SLC6A15: variants seen among roughly 807,000 people sequenced by gnomAD.
The protein encoded by SLC6A15 is solute carrier family 6 member 15, also known as sodium-dependent neutral amino acid transporter B(0)AT2.
A neutral mutation model predicts 68.5 loss-of-function variants in SLC6A15; 33 were observed. The ratio of observed to expected loss-of-function variants is 0.48; its 90% confidence interval spans 0.37 to 0.64. The LOEUF (loss-of-function observed/expected upper bound fraction) is 0.64. SLC6A15 is among the 30% of genes least tolerant of loss of function. SLC6A15 has a pLI of 0.00. For missense variants in SLC6A15, 747 were observed against 874.3 expected, an observed-to-expected ratio of 0.85 and a Z score of 1.84; for synonymous variants, 347 against 301.0, an observed-to-expected ratio of 1.15 and a Z score of -1.58.
intron 5 of SLC6A15, 53 bp downstream of exon 5, chr12:84,883,806 A>T: frequency 1.2e-6 from 2 of 1,613,918 alleles, no homozygotes; most frequent in Non-Finnish European, 1.7e-6. Flanking sequence ...TGAGAGAGGG[A>T]TGAATCCAGA....
At position 84,896,623 on chromosome 12, in the gene SLC6A15, T is replaced by G. The variant is rs1872648500; in HGVS notation, c.-188-4315A>C. On this transcript the variant is annotated intron_variant, in intron 1 of 11. Transcript: ENST00000266682. Reference sequence around the variant, plus strand: ...GTCAAAAAATATTCCAATATAGAAATTTCCCTATTGAAAATGCGTAGTTCC... The same window carrying G: ...GTCAAAAAATATTCCAATATAGAAAGTTCCCTATTGAAAATGCGTAGTTCC... Among the ~76,000 whole-genome samples the G allele has an allele frequency of 2.6e-5, 4 of 152,124 alleles. No individual in the cohort carries two copies. The South Asian group carries it at 8.3e-4, about 32-fold the overall frequency.
intron 6 of SLC6A15, among the ~76,000 whole-genome samples, chr12:84,873,731 C>T (rs931965248): frequency 6.6e-6 from 1 of 152,148 alleles, no homozygotes; most frequent in African/African-American, 2.4e-5. Context: ...ACTAACACTC[C>T]ATGTTTTGTG....
At position 84,861,078 on chromosome 12, in the gene SLC6A15, T is replaced by C. The variant is rs1870824220; in HGVS notation, c.*554A>G. ...CTTCTCATGCTTTGATTGCTATTGC[T>C]CTATACAGCTATTACATAAGAAAAT... is the stretch of plus-strand genomic sequence containing the variant. On this transcript the variant is annotated 3_prime_UTR_variant, in exon 12 of 12. Transcript: ENST00000266682. 1 of 152,286 alleles carries C rather than the reference T, an allele frequency of 6.6e-6. No individual in the cohort carries two copies. The highest frequency in any genetic ancestry group is 1.5e-5 in the Non-Finnish European group (1 of 68,136). The allele number at this position is 152,286 out of a possible 1,614,324, so 9.4% of individuals were successfully genotyped here.
intron 5 of SLC6A15, chr12:84,881,421 CTA>C (rs1254562091): frequency 6.6e-5 from 65 of 982,756 alleles, no homozygotes; most frequent in Middle Eastern, 1.0e-3. Context: ...TTTGGTTTAA[CTA>C]TTTGAAGACT....
intron 8 of SLC6A15, among the ~76,000 whole-genome samples, chr12:84,870,874 T>G (rs1871258956): frequency 6.6e-6 from 1 of 152,148 alleles, no homozygotes. Flanking sequence ...ATCCAAATAA[T>G]GAAATTTTGC....
chr12:84,890,071 C>A lies in SLC6A15; in HGVS notation c.289+1761G>T, dbSNP rs184376401. 8.1e-4 allele frequency among the ~76,000 whole-genome samples: 124 copies of A among 152,208 alleles called. 2 individuals carry two copies. The highest frequency in any genetic ancestry group is 8.0e-3 in the Admixed American group (122 of 15,294). On this transcript the variant is annotated intron_variant, in intron 2 of 11. Coordinates refer to ENST00000266682, the MANE Select transcript of SLC6A15 (RefSeq NM_182767.6). ...AGATATTCCTCCAACAATTAGAAGACTCAATGCCATACTGAATGGTGAGTA... is the reference window on the plus strand; with the variant it reads ...AGATATTCCTCCAACAATTAGAAGAATCAATGCCATACTGAATGGTGAGTA...
intron 5 of SLC6A15, chr12:84,882,595 G>A (rs528942090): frequency 1.5e-5 from 6 of 391,596 alleles, no homozygotes; most frequent in South Asian, 1.1e-4. Context: ...GGACTAGGAC[G>A]GGGTGAGACA....
At chr12:84,892,936 T>TG (rs764762221) in intron 1 of SLC6A15, among the ~76,000 whole-genome samples, 11 of 152,170 alleles carry the variant, frequency 7.2e-5, no homozygotes, top group Admixed American at 4.6e-4. Context: ...ACTACAGGTG[T>TG]GTACCACCAC....
intron 1 of SLC6A15, among the ~76,000 whole-genome samples, chr12:84,901,588 A>G (rs1872884745): frequency 6.6e-6 from 1 of 151,822 alleles, no homozygotes; most frequent in South Asian, 2.1e-4. Context: ...CTACCTTCCA[A>G]GCCATTGTTA....
intron 5 of SLC6A15, among the ~76,000 whole-genome samples, chr12:84,879,624 A>T (rs1871728936): frequency 6.6e-6 from 1 of 151,834 alleles, no homozygotes; most frequent in Non-Finnish European, 1.5e-5. Flanking sequence ...CCGCCTGGCC[A>T]CTATCACACA....
chr12:84,884,589 A>C (rs1871996404), intron 4 of SLC6A15, among the ~76,000 whole-genome samples: 1 of 152,108 alleles, frequency 6.6e-6, no homozygotes, highest in Admixed American at 6.6e-5. Flanking sequence ...TACAGGAGTG[A>C]GCCACCGCAC....
At chr12:84,867,407 G>A (rs1170086755) in intron 9 of SLC6A15, 3 of 310,322 alleles carry the variant, frequency 9.7e-6, no homozygotes, top group Non-Finnish European at 1.7e-5. Flanking sequence ...TTCTAAGACA[G>A]TAATTCATCT....
In SLC6A15 at chr12:84,892,325, T is replaced by A; in HGVS notation, c.-188-17A>T. The A allele has an allele frequency of 4.5e-6, 2 of 446,506 alleles. No individual in the cohort carries two copies. Among genetic ancestry groups the A allele is most frequent in the Non-Finnish European group, 7.8e-6 (2 of 256,920 alleles). 27.7% of individuals were successfully genotyped at this position (446,506 alleles called of 1,614,324 possible). On this transcript the variant is annotated splice_polypyrimidine_tract_variant and intron_variant, in intron 1 of 11. Coordinates refer to ENST00000266682, the MANE Select transcript of SLC6A15 (RefSeq NM_182767.6). ...TGTAGGTACCTGTAAAATTATAAGTTGAAATGTGATCATATTTAATGATGA... is the reference window on the plus strand; with the variant it reads ...TGTAGGTACCTGTAAAATTATAAGTAGAAATGTGATCATATTTAATGATGA...
At chr12:84,875,462 G>A (rs1381768099) in intron 6 of SLC6A15, among the ~76,000 whole-genome samples, 1 of 151,596 alleles carries the variant, frequency 6.6e-6, no homozygotes, top group Non-Finnish European at 1.5e-5. Flanking sequence ...CAAGGCAGCC[G>A]CCAGGAGTGA....
chr12:84,870,605 A>T lies in SLC6A15; in HGVS notation c.1368T>A (p.Ser456=). ...GGAAAAACATCACTGACCAGAAGGG[A>T]GATGCAGGAAAATGTGTCATCGCTT... ...FTEAMTHFPA[S]PFWSVMFFLM... The change falls in exon 9 of 12, where the codon TCT becomes TCA. Residue 456 remains serine (S), a synonymous_variant. Transcript: ENST00000266682. 1 of 1,612,452 alleles carries T rather than the reference A, an allele frequency of 6.2e-7. No individual in the cohort carries two copies. The highest frequency in any genetic ancestry group is 1.7e-5 in the Admixed American group (1 of 59,764).
chr12:84,886,509 G>T (rs1872108809), intron 2 of SLC6A15, among the ~76,000 whole-genome samples: 1 of 150,586 alleles, frequency 6.6e-6, no homozygotes, highest in Admixed American at 6.6e-5. Context: ...GAGTGAATGA[G>T]ATTTTATGGC....
At chr12:84,907,608 A>G (rs1414602412) in intron 1 of SLC6A15, among the ~76,000 whole-genome samples, 1 of 152,202 alleles carries the variant, frequency 6.6e-6, no homozygotes, top group Non-Finnish European at 1.5e-5. Flanking sequence ...ACTGGTGAGA[A>G]TGTAAAATTG....
At chr12:84,862,798 T>C (rs936257412) in intron 11 of SLC6A15, among the ~76,000 whole-genome samples, 4 of 152,114 alleles carry the variant, frequency 2.6e-5, no homozygotes, top group Non-Finnish European at 5.9e-5. Context: ...TGTTTATTGA[T>C]TGATTGAGTG....
chr12:84,905,524 T>G (rs1323143961), intron 1 of SLC6A15, among the ~76,000 whole-genome samples: 1 of 152,200 alleles, frequency 6.6e-6, no homozygotes, highest in Non-Finnish European at 1.5e-5. Context: ...CACACTCTTA[T>G]TCAACATAGT....
Sources: allele counts gnomAD v4.1 joint callset (sites outside exome capture counted in the v4.1 genomes callset), GRCh38; gene constraint gnomAD v4.1.1; transcripts MANE v1.5; gene names NCBI Gene and HGNC (gene_info 2026-07-23, HGNC 2026-07-21).